The following FOXO3 variants were observed in gnomAD, a reference collection of about 807,000 sequenced individuals.
FOXO3 encodes forkhead box protein O3.
Under a neutral mutation model 41.9 loss-of-function variants are expected in FOXO3, and 4 were observed. That is an observed-to-expected ratio of 0.10 (90% CI 0.05 to 0.22). The LOEUF (loss-of-function observed/expected upper bound fraction) is 0.22, where lower values mean the gene tolerates loss of function less well. Ranked by LOEUF, FOXO3 falls within the 10% of genes least tolerant of loss-of-function variation. The pLI is 1.00. For missense variants in FOXO3, 534 were observed against 906.8 expected (o/e 0.59, Z 5.28); for synonymous variants, 318 against 389.3 (o/e 0.82, Z 2.16).
chr6:108,596,385 A>G (rs1225645918), intron 1 of FOXO3, among the ~76,000 whole-genome samples: 6 of 142,474 alleles, frequency 4.2e-5, no homozygotes, highest in Admixed American at 3.4e-4. Flanking sequence ...CCTAAATGAA[A>G]AAAAAAAAAA....
rs34312944 is a variant in FOXO3 at position 108,680,751 on chromosome 6, G to GAAAAAAAAAAAAA, written c.*961_*973dup. 8 of 137,222 alleles carry GAAAAAAAAAAAAA rather than the reference G, an allele frequency of 5.8e-5. No homozygotes were observed. Among genetic ancestry groups the GAAAAAAAAAAAAA allele is most frequent in the Non-Finnish European group, 3.1e-5 (2 of 63,996 alleles). The allele number at this position is 137,222 out of a possible 1,614,324, so 8.5% of individuals were successfully genotyped here. ...GTTTAGTTTTAAGGAGAAAGAAAAG[G>GAAAAAAAAAAAAA]AAAAAAAAAAAAAACAAAAAAGTCC... On this transcript the variant is annotated 3_prime_UTR_variant, in exon 3 of 3. Transcript: ENST00000406360.
intron 2 of FOXO3, among the ~76,000 whole-genome samples, chr6:108,671,532 A>G (rs905793043): frequency 6.6e-6 from 1 of 152,378 alleles, no homozygotes; most frequent in African/African-American, 2.4e-5. Flanking sequence ...GCTTATTTAT[A>G]AAATGAGGTT....
At chr6:108,627,793 C>T (rs571877984) in intron 1 of FOXO3, among the ~76,000 whole-genome samples, 102 of 152,186 alleles carry the variant, frequency 6.7e-4, no homozygotes, top group African/African-American at 2.3e-3. Context: ...TCCTAGGCTG[C>T]GGGTTGGACA....
At chr6:108,630,612 C>T (rs568382289) in intron 1 of FOXO3, among the ~76,000 whole-genome samples, 6 of 152,262 alleles carry the variant, frequency 3.9e-5, no homozygotes, top group African/African-American at 1.2e-4. Flanking sequence ...TTTATGTTAA[C>T]TTTCTTGTGA....
At chr6:108,635,027 G>A (rs1019781833) in intron 1 of FOXO3, among the ~76,000 whole-genome samples, 7 of 151,440 alleles carry the variant, frequency 4.6e-5, no homozygotes, top group East Asian at 1.9e-4. Context: ...TGGCGGGCAT[G>A]GTGGCTCACA....
intron 1 of FOXO3, among the ~76,000 whole-genome samples, chr6:108,567,239 C>T (rs528592844): frequency 9.9e-5 from 15 of 152,274 alleles, no homozygotes; most frequent in South Asian, 8.3e-4. Context: ...TTGGAGCTAG[C>T]CTTTAACTCT....
At chr6:108,563,925 A>T (rs1293739227) in intron 1 of FOXO3, among the ~76,000 whole-genome samples, 1 of 150,950 alleles carries the variant, frequency 6.6e-6, no homozygotes, top group Non-Finnish European at 1.5e-5. Context: ...CATAAACTTT[A>T]TGGTTTTATG....
intron 1 of FOXO3, among the ~76,000 whole-genome samples, chr6:108,594,573 A>G (rs1776824366): frequency 1.3e-5 from 2 of 152,010 alleles, no homozygotes; most frequent in East Asian, 1.9e-4. Flanking sequence ...ACCTCCCGCT[A>G]ATGCTTCTTT....
At chr6:108,585,022 C>CTTTTTTTTTTTTTTTTTTTTTT (rs1159028928) in intron 1 of FOXO3, among the ~76,000 whole-genome samples, 3 of 51,520 alleles carry the variant, frequency 5.8e-5, no homozygotes, top group Non-Finnish European at 9.8e-5. Context: ...TCTCCAAAAT[C>CTTTTTTTTTTTTTTTTTTTTTT]TTTTTTTTTT....
intron 1 of FOXO3, among the ~76,000 whole-genome samples, chr6:108,605,690 T>G (rs1173309237): frequency 6.6e-6 from 1 of 152,228 alleles, no homozygotes; most frequent in Admixed American, 6.5e-5. Flanking sequence ...AAGATTTGTT[T>G]GTTTTGTTTT....
intron 1 of FOXO3, among the ~76,000 whole-genome samples, chr6:108,594,512 A>G (rs565671631): frequency 3.9e-5 from 6 of 152,162 alleles, no homozygotes; most frequent in Non-Finnish European, 7.4e-5. Context: ...AGAGGCATGC[A>G]GCATTTTCTT....
chr6:108,662,607 A>G (rs1315885105), intron 1 of FOXO3, among the ~76,000 whole-genome samples: 2 of 152,238 alleles, frequency 1.3e-5, no homozygotes, highest in Non-Finnish European at 2.9e-5. Context: ...AAGGTTAGGT[A>G]AAAATTCTCA....
At chr6:108,623,900 AGTTG>A (rs1325321303) in intron 1 of FOXO3, among the ~76,000 whole-genome samples, 4 of 152,190 alleles carry the variant, frequency 2.6e-5, no homozygotes, top group Non-Finnish European at 5.9e-5. Flanking sequence ...AAGTTTTCTT[AGTTG>A]TTTGTTAAAT....
rs528902304 is a variant in FOXO3 at position 108,618,467 on chromosome 6, T to A, written c.622-44988T>A. 2.0e-5 allele frequency among the ~76,000 whole-genome samples: 3 copies of A among 152,372 alleles called. No homozygotes were observed. In the East Asian group the frequency reaches 5.8e-4, roughly 29 times the overall value. On this transcript the variant is annotated intron_variant, in intron 1 of 2. Coordinates refer to ENST00000406360, the MANE Select transcript of FOXO3 (RefSeq NM_001455.4). ...TGTATTCTTTTCAAAAGCGCTAGAC[T>A]TTGTTCTGGCATGCAGTTAAGTTAC...
intron 1 of FOXO3, among the ~76,000 whole-genome samples, chr6:108,636,360 G>T (rs1019023689): frequency 6.6e-6 from 1 of 152,204 alleles, no homozygotes; most frequent in African/African-American, 2.4e-5. Flanking sequence ...TCTCTAAACA[G>T]GAGATCACTG....
Position 108,664,224 on chromosome 6 carries a change from A to G in FOXO3, c.1391A>G (p.His464Arg), listed in dbSNP as rs770848712. The G allele has an allele frequency of 1.2e-6, 2 of 1,610,042 alleles. No individual in the cohort carries two copies. Among genetic ancestry groups the G allele is most frequent in the Non-Finnish European group, 1.7e-6 (2 of 1,176,856 alleles). The change falls in exon 2 of 3, where the codon CAC (histidine) becomes CGC (arginine). Residue 464 changes from histidine (H) to arginine (R), a missense_variant. Physicochemically the swap from His to Arg is conservative, Grantham distance 29. Around this residue, in one of 8 missense-constraint regions of FOXO3, gnomAD observed 16 missense variants for 46.1 expected, o/e 0.35. Coordinates refer to ENST00000406360, the MANE Select transcript of FOXO3 (RefSeq NM_001455.4). The stretch of plus-strand genomic sequence containing the variant: ...CCAGCTACCTTCTCTTCCATGTCAC[A>G]CTATGGTAACCAGACACTCCAGGAC... ...NKPATFSSMS[H>R]YGNQTLQDLL...
At chr6:108,664,962 C>T in intron 2 of FOXO3, 73 bp downstream of exon 2, 1 of 1,427,592 alleles carries the variant, frequency 7.0e-7, no homozygotes, top group South Asian at 1.4e-5. Context: ...AGCCTGTCTT[C>T]TCTTTACTTT....
chr6:108,614,660 C>A (rs962101697), intron 1 of FOXO3, among the ~76,000 whole-genome samples: 1 of 151,152 alleles, frequency 6.6e-6, no homozygotes, highest in African/African-American at 2.4e-5. Context: ...GTTTTTTAAT[C>A]CAATCTGACA....
At chr6:108,673,290 T>G (rs1582839609) in intron 2 of FOXO3, among the ~76,000 whole-genome samples, 1 of 152,156 alleles carries the variant, frequency 6.6e-6, no homozygotes, top group Non-Finnish European at 1.5e-5. Context: ...TACACCAAGG[T>G]GCAGGTGCAG....
Sources: allele counts gnomAD v4.1 joint callset (sites outside exome capture counted in the v4.1 genomes callset), GRCh38; gene constraint gnomAD v4.1.1; regional missense constraint gnomAD v4.1.1; transcripts MANE v1.5; gene names NCBI Gene and HGNC (gene_info 2026-07-23, HGNC 2026-07-21).